Variants in RRP1 observed in about 807,000 individuals in gnomAD.
RRP1 encodes the protein ribosomal RNA processing protein 1 homolog A.
RRP1 carries 37 observed loss-of-function variants against 54.6 expected under a neutral mutation model. The ratio of observed to expected loss-of-function variants is 0.68; its 90% CI spans 0.52 to 0.89. The LOEUF is 0.89. Among genes scored for constraint, RRP1 ranks in the 40% least tolerant of loss-of-function variants. The probability of loss-of-function intolerance (pLI) is 0.00; values close to 1 mark genes in which losing one functional copy is unlikely to be tolerated. For synonymous variants in RRP1, 262 were observed against 244.3 expected (o/e 1.07, Z -0.67); for missense variants, 639 against 612.5 (o/e 1.04, Z -0.46).
Position 43,803,775 on chromosome 21 carries a change from T to G in RRP1, c.*1T>G, listed in dbSNP as rs1172763324. 4.4e-6 allele frequency: 7 copies of G among 1,575,780 alleles called. No homozygotes were observed. Among genetic ancestry groups the G allele is most frequent in the Non-Finnish European group, 6.0e-6 (7 of 1,158,328 alleles). Reference sequence around the variant, plus strand: ...GAAGAAGAAGAAACGCAGGGAGTGATGTGGCCGGGCCAAGGACAGGCAGGG... The same window carrying G: ...GAAGAAGAAGAAACGCAGGGAGTGAGGTGGCCGGGCCAAGGACAGGCAGGG... On this transcript the variant is annotated 3_prime_UTR_variant, in exon 13 of 13. Coordinates refer to ENST00000497547, the MANE Select transcript of RRP1 (RefSeq NM_003683.6).
At chr21:43,789,789 T>G in intron 1 of RRP1, 27 bp downstream of exon 1, 5 of 1,488,814 alleles carry the variant, frequency 3.4e-6, no homozygotes, top group Non-Finnish European at 4.5e-6. Flanking sequence ...GCGGCTGGCG[T>G]CTCGGGGGCC....
rs1005318089 is a variant in RRP1 at position 43,792,701 on chromosome 21, C to T, written c.246C>T (p.Leu82=). ...QEELGRTISQ[L]VHAFQTTEAQ... is the part of the protein sequence containing the mutation. ...AATTAGGAAGGACTATTTCCCAGCTCGTTCATGCTTTTCAGACCACGGAGG... is the reference window on the plus strand; with the variant it reads ...AATTAGGAAGGACTATTTCCCAGCTTGTTCATGCTTTTCAGACCACGGAGG... The change falls in exon 3 of 13, where the codon CTC becomes CTT. Residue 82 remains leucine (L), a synonymous_variant. Transcript: ENST00000497547. The T allele has an allele frequency of 9.3e-6, 15 of 1,613,936 alleles. No homozygotes were observed. Among genetic ancestry groups the T allele is most frequent in the South Asian group, 2.2e-5 (2 of 91,080 alleles).
Position 43,789,604 on chromosome 21 carries a change from G to C in RRP1, c.-26G>C. ...TGTGCTGGGTACCAGGCGACTCCGG[G>C]ACAGGGGGTCTCGGCCGTCGGCGTC... On this transcript the variant is annotated 5_prime_UTR_variant, in exon 1 of 13. Transcript: ENST00000497547. 6.3e-7 allele frequency: 1 copy of C among 1,583,460 alleles called. No individual in the cohort carries two copies. The highest frequency in any genetic ancestry group is 1.4e-5 in the African/African-American group (1 of 72,892).
intron 2 of RRP1, 100 bp downstream of exon 2, chr21:43,791,532 C>T (rs1220906068): frequency 1.1e-5 from 12 of 1,099,240 alleles, no homozygotes; most frequent in Middle Eastern, 2.6e-4. Context: ...GTCGGAGTTT[C>T]GCTCTTGTTG....
rs1424185436 is a variant in RRP1 at position 43,791,357 on chromosome 21, TACGCAC to T, written c.142_147del (p.Thr48_His49del). On this transcript the variant is annotated inframe_deletion, in exon 2 of 13. Coordinates refer to ENST00000497547, the MANE Select transcript of RRP1 (RefSeq NM_003683.6). ...GTTGCTGTTTTGATGCAGGTGGTTTTACGCACGACGAGCTGCTGAAGGTGTGGAAAG... is the reference window on the plus strand; with the variant it reads ...GTTGCTGTTTTGATGCAGGTGGTTTTGACGAGCTGCTGAAGGTGTGGAAAG... 1 of 1,614,032 alleles carries T rather than the reference TACGCAC, an allele frequency of 6.2e-7. No homozygotes were observed. Among genetic ancestry groups the T allele is most frequent in the Non-Finnish European group, 8.5e-7 (1 of 1,179,924 alleles).
chr21:43,799,475 G>C, intron 8 of RRP1, 95 bp from the exon 9 acceptor site: 1 of 1,337,180 alleles, frequency 7.5e-7, no homozygotes, highest in Non-Finnish European at 1.1e-6. Flanking sequence ...CCCGTGCTCC[G>C]ACCAGGGTGC....
chr21:43,793,141 TA>T, intron 3 of RRP1, 177 bp from the exon 4 acceptor site: 1 of 620,144 alleles, frequency 1.6e-6, no homozygotes, highest in South Asian at 1.9e-5. Flanking sequence ...GAGGAGCCTC[TA>T]AAAATCCTCA....
At chr21:43,802,930 G>C (rs1301694856) in intron 12 of RRP1, among the ~76,000 whole-genome samples, 1 of 152,250 alleles carries the variant, frequency 6.6e-6, no homozygotes, top group Non-Finnish European at 1.5e-5. Context: ...AGTGGAGGGG[G>C]TTGAGCACAG....
At chr21:43,792,874 T>C in intron 3 of RRP1, 145 bp downstream of exon 3, 2 of 798,872 alleles carry the variant, frequency 2.5e-6, no homozygotes, top group Non-Finnish European at 4.2e-6. Flanking sequence ...TGTCTGTGGG[T>C]GCTTAGCATG....
At position 43,804,105 on chromosome 21, in the gene RRP1, A is replaced by AGTGTC. The variant is rs1351272247; in HGVS notation, c.*333_*337dup. 1 of 296,294 alleles carries AGTGTC rather than the reference A, an allele frequency of 3.4e-6. No homozygotes were observed. Among genetic ancestry groups the AGTGTC allele is most frequent in the Non-Finnish European group, 6.2e-6 (1 of 160,298 alleles). The allele number at this position is 296,294 out of a possible 1,614,324, so 18.4% of individuals were successfully genotyped here. On this transcript the variant is annotated 3_prime_UTR_variant, in exon 13 of 13. Coordinates refer to ENST00000497547, the MANE Select transcript of RRP1 (RefSeq NM_003683.6). This position sits in a 1 kb window ranked among gnomAD's most constrained non-coding sequence, Gnocchi z 4.3. Reference sequence around the variant, plus strand: ...ATGCCGCGCAGCCCTTGCCAGGGGAAGTGTCGCTTCAGGTGTGTCCTACGG... The same window carrying AGTGTC: ...ATGCCGCGCAGCCCTTGCCAGGGGAAGTGTCGTGTCGCTTCAGGTGTGTCCTACGG...
chr21:43,799,941 C>A (rs2123419172), intron 9 of RRP1, among the ~76,000 whole-genome samples: 1 of 152,326 alleles, frequency 6.6e-6, no homozygotes, highest in East Asian at 1.9e-4. Context: ...ACGCTGTCCT[C>A]TTGCCTCACA....
At chr21:43,798,757 C>T (rs970710064) in intron 8 of RRP1, among the ~76,000 whole-genome samples, 1 of 152,146 alleles carries the variant, frequency 6.6e-6, no homozygotes, top group Non-Finnish European at 1.5e-5. Context: ...ATGCTGCACT[C>T]ATTGTCCGAG....
In RRP1 at chr21:43,797,449, G is replaced by C; in HGVS notation, c.450G>C (p.Leu150=). Reference sequence around the variant, plus strand: ...AGATCGAGGAGCTGCTAGAGCTGCTGATGACTGAGATCCTGCACCCCAGCA... The same window carrying C: ...AGATCGAGGAGCTGCTAGAGCTGCTCATGACTGAGATCCTGCACCCCAGCA... ...ERQIEELLEL[L]MTEILHPSSQ... Residue 150 remains leucine (L), a synonymous_variant, in exon 6 of 13, where the codon CTG becomes CTC. Transcript: ENST00000497547. 6.2e-7 allele frequency: 1 copy of C among 1,613,256 alleles called. No homozygotes were observed. Among genetic ancestry groups the C allele is most frequent in the Non-Finnish European group, 8.5e-7 (1 of 1,179,998 alleles).
At chr21:43,794,477 A>C (rs2084995227) in intron 4 of RRP1, among the ~76,000 whole-genome samples, 1 of 152,112 alleles carries the variant, frequency 6.6e-6, no homozygotes, top group Non-Finnish European at 1.5e-5. Context: ...TGTGGGGGAT[A>C]GGCCTCCTGT....
At chr21:43,791,158 C>T (rs531911019) in intron 1 of RRP1, 192 bp from the exon 2 acceptor site, 5 of 654,596 alleles carry the variant, frequency 7.6e-6, no homozygotes, top group East Asian at 2.9e-5. Context: ...CTGGAGTAGC[C>T]GCATAGCCAC....
chr21:43,799,532 G>C, intron 8 of RRP1, 38 bp from the exon 9 acceptor site: 1 of 1,530,104 alleles, frequency 6.5e-7, no homozygotes, highest in Non-Finnish European at 8.8e-7. Context: ...AGCACACGTT[G>C]GGCACAGGTA....
intron 7 of RRP1, 87 bp downstream of exon 7, chr21:43,797,782 G>A: frequency 6.3e-7 from 1 of 1,578,948 alleles, no homozygotes; most frequent in East Asian, 2.2e-5. Context: ...CTCCCTCGAG[G>A]GATGAATCTG....
intron 8 of RRP1, among the ~76,000 whole-genome samples, chr21:43,799,042 A>G (rs973664416): frequency 3.3e-5 from 5 of 152,128 alleles, no homozygotes; most frequent in Non-Finnish European, 7.4e-5. Context: ...TGCCAGCTAC[A>G]GAGCAGACCC....
rs756968102 is a variant in RRP1, at chr21:43,793,302, G to A, written c.275-17G>A. ...CGTGCTCCTCAGTGGTTCTCTTCTG[G>A]CTTATTCCTTCTCCAGAGCACCTGT... is the stretch of plus-strand genomic sequence containing the variant. On this transcript the variant is annotated splice_polypyrimidine_tract_variant and intron_variant, in intron 3 of 12. Transcript: ENST00000497547. The A allele has an allele frequency of 2.5e-5, 41 of 1,613,382 alleles. No individual in the cohort carries two copies. The highest frequency in any genetic ancestry group is 3.4e-5 in the Non-Finnish European group (40 of 1,179,502).
Sources: allele counts gnomAD v4.1 joint callset (sites outside exome capture counted in the v4.1 genomes callset), GRCh38; gene constraint gnomAD v4.1.1; non-coding constraint Gnocchi (gnomAD v3.1); transcripts MANE v1.5; gene names NCBI Gene and HGNC (gene_info 2026-07-23, HGNC 2026-07-21).